The following KCNK12 variants were observed in gnomAD, a reference collection of about 807,000 sequenced individuals.
KCNK12 encodes the protein potassium two pore domain channel subfamily K member 12, also known as potassium channel subfamily K member 12.
Under a neutral mutation model 25.3 loss-of-function variants are expected in KCNK12, and 6 were observed. The observed-to-expected ratio is 0.24, with a 90% CI of 0.13 to 0.47. The LOEUF is 0.47. KCNK12 is among the 20% of genes least tolerant of loss of function. The pLI, the probability that KCNK12 is intolerant of heterozygous loss-of-function variation, is 0.99. For synonymous variants in KCNK12, 331 were observed against 311.1 expected, an observed-to-expected ratio of 1.06 and a Z score of -0.67; for missense variants, 444 against 661.7, an observed-to-expected ratio of 0.67 and a Z score of 3.61.
chr2:47,555,360 C>T lies in KCNK12; in HGVS notation c.391+14581G>A, dbSNP rs977603066. Among the ~76,000 whole-genome samples, 4 of 152,196 alleles carry T rather than the reference C, an allele frequency of 2.6e-5. No homozygotes were observed. Among genetic ancestry groups the T allele is most frequent in the Non-Finnish European group, 4.4e-5 (3 of 68,034 alleles). ...TGCCTAAAGGCAGGACATAAATTTCCCTTTGCCAAGGTGTCCTCCTTACCC... is the reference window on the plus strand; with the variant it reads ...TGCCTAAAGGCAGGACATAAATTTCTCTTTGCCAAGGTGTCCTCCTTACCC... On this transcript the variant is annotated intron_variant, in intron 1 of 1. Transcript: ENST00000327876. The surrounding 1 kb of genome is among the most constrained non-coding windows in gnomAD (Gnocchi z 4.5).
rs1669131107 is a variant in KCNK12 at position 47,538,745 on chromosome 2, T to C, written c.392-16937A>G. Reference sequence around the variant, plus strand: ...TAGACTGCACCACTGCACTCTAGCCTGGGTGACAGAGAAAACAATGGACAA... The same window carrying C: ...TAGACTGCACCACTGCACTCTAGCCCGGGTGACAGAGAAAACAATGGACAA... On this transcript the variant is annotated intron_variant, in intron 1 of 1. Coordinates refer to ENST00000327876, the MANE Select transcript of KCNK12 (RefSeq NM_022055.2). The surrounding 1 kb of genome is among the most constrained non-coding windows in gnomAD (Gnocchi z 4.5). Among the ~76,000 whole-genome samples, 2 of 152,298 alleles carry C rather than the reference T, an allele frequency of 1.3e-5. No individual in the cohort carries two copies. Among genetic ancestry groups the C allele is most frequent in the African/African-American group, 4.8e-5 (2 of 41,560 alleles).
At chr2:47,537,578 C>T (rs1573639931) in intron 1 of KCNK12, among the ~76,000 whole-genome samples, 1 of 152,190 alleles carries the variant, frequency 6.6e-6, no homozygotes, top group East Asian at 1.9e-4. Context: ...ATCCGCCCGC[C>T]TCGGTCTCCC....
rs886958866 is a variant in KCNK12 at position 47,516,343 on chromosome 2, G to A, written c.*4564C>T. Among the ~76,000 whole-genome samples the A allele has an allele frequency of 6.6e-6, 1 of 152,188 alleles. No homozygotes were observed. The highest frequency in any genetic ancestry group is 1.5e-5 in the Non-Finnish European group (1 of 68,044). On this transcript the variant is annotated 3_prime_UTR_variant, in exon 2 of 2. Transcript: ENST00000327876. Reference sequence around the variant, plus strand: ...ATTTGGAGAGCCTCGGGCACAGCCAGGTTGGATCCATCTCCCAGTCCCCCA... The same window carrying A: ...ATTTGGAGAGCCTCGGGCACAGCCAAGTTGGATCCATCTCCCAGTCCCCCA...
rs1348135512 is a variant in KCNK12, at chr2:47,529,641, C to T, written c.392-7833G>A. ...TAGGCCAATCAGGATAATCCAGTTC[C>T]TTACCATGACTGGCTCAAGAATGGG... On this transcript the variant is annotated intron_variant, in intron 1 of 1. Transcript: ENST00000327876. This position sits in a 1 kb window ranked among gnomAD's most constrained non-coding sequence, Gnocchi z 4.3. Among the ~76,000 whole-genome samples the T allele has an allele frequency of 5.3e-5, 8 of 152,194 alleles. No individual in the cohort carries two copies. The highest frequency in any genetic ancestry group is 2.1e-4 in the South Asian group (1 of 4,826).
rs1411004250 is a variant in KCNK12, at chr2:47,548,352, G to A, written c.391+21589C>T. Among the ~76,000 whole-genome samples, 2 of 152,012 alleles carry A rather than the reference G, an allele frequency of 1.3e-5. No homozygotes were observed. Among genetic ancestry groups the A allele is most frequent in the Non-Finnish European group, 2.9e-5 (2 of 68,016 alleles). The stretch of plus-strand genomic sequence containing the variant: ...CCTATCCACTATCTAACTGGCACCC[G>A]GCTTGGAAGTGGAAAAGTCATTTCA... On this transcript the variant is annotated intron_variant, in intron 1 of 1. Coordinates refer to ENST00000327876, the MANE Select transcript of KCNK12 (RefSeq NM_022055.2). This position sits in a 1 kb window ranked among gnomAD's most constrained non-coding sequence, Gnocchi z 4.4.
chr2:47,519,883 G>T lies in KCNK12; in HGVS notation c.*1024C>A, dbSNP rs1243514745. 1 of 152,300 alleles carries T rather than the reference G, an allele frequency of 6.6e-6. No homozygotes were observed. Among genetic ancestry groups the T allele is most frequent in the Non-Finnish European group, 1.5e-5 (1 of 68,078 alleles). The allele number at this position is 152,300 out of a possible 1,614,324, so 9.4% of individuals were successfully genotyped here. A position where few individuals can be genotyped will look rare whatever the true frequency, so the allele number is the denominator to read the frequency against. On this transcript the variant is annotated 3_prime_UTR_variant, in exon 2 of 2. Transcript: ENST00000327876. The stretch of plus-strand genomic sequence containing the variant: ...CTGGTTCCCAAGGACGCAGCTGGCA[G>T]AGGTGCCTCCTTCAGAGGAGGAGGA...
chr2:47,558,460 G>C (rs1669594438), intron 1 of KCNK12, among the ~76,000 whole-genome samples: 1 of 152,220 alleles, frequency 6.6e-6, no homozygotes, highest in Non-Finnish European at 1.5e-5. Flanking sequence ...TTTTAGAAGA[G>C]AACCCAGCAA....
chr2:47,536,296 A>G (rs1669065341), intron 1 of KCNK12, among the ~76,000 whole-genome samples: 1 of 152,206 alleles, frequency 6.6e-6, no homozygotes, highest in Non-Finnish European at 1.5e-5. Flanking sequence ...GTCTTGTGAC[A>G]GCCCCTGTCC....
Position 47,523,135 on chromosome 2 carries a change from C to T in KCNK12, c.392-1327G>A, listed in dbSNP as rs540405873. On this transcript the variant is annotated intron_variant, in intron 1 of 1. Coordinates refer to ENST00000327876, the MANE Select transcript of KCNK12 (RefSeq NM_022055.2). Reference sequence around the variant, plus strand: ...GTTTTTAAATGTAACCTGTAGTACACCTGGGCAGACAGCCTTGTTAGGGAA... The same window carrying T: ...GTTTTTAAATGTAACCTGTAGTACATCTGGGCAGACAGCCTTGTTAGGGAA... Among the ~76,000 whole-genome samples, 24 of 152,318 alleles carry T rather than the reference C, an allele frequency of 1.6e-4. No homozygotes were observed. The South Asian group carries it at 4.8e-3, about 30-fold the overall frequency.
rs117253634 is a variant in KCNK12, at chr2:47,546,849, G to A, written c.391+23092C>T. Among the ~76,000 whole-genome samples the A allele has an allele frequency of 2.4e-4, 37 of 152,220 alleles. No individual in the cohort carries two copies. In the East Asian group the frequency reaches 6.9e-3, roughly 29 times the overall value. ...AAGTTTCAACATGCTTGTGCAAGAT[G>A]GACAGCTTGAGAGAGCTGTAACTGA... On this transcript the variant is annotated intron_variant, in intron 1 of 1. Coordinates refer to ENST00000327876, the MANE Select transcript of KCNK12 (RefSeq NM_022055.2).
At position 47,533,910 on chromosome 2, in the gene KCNK12, G is replaced by A. The variant is rs568566704; in HGVS notation, c.392-12102C>T. On this transcript the variant is annotated intron_variant, in intron 1 of 1. Transcript: ENST00000327876. This position sits in a 1 kb window ranked among gnomAD's most constrained non-coding sequence, Gnocchi z 4.7. ...AGTGCACCCCTCTTGCATTGGGTGCGCAGTGATCCGGACAGAGAGGCTCCA... is the reference window on the plus strand; with the variant it reads ...AGTGCACCCCTCTTGCATTGGGTGCACAGTGATCCGGACAGAGAGGCTCCA... Among the ~76,000 whole-genome samples the A allele has an allele frequency of 2.6e-5, 4 of 152,000 alleles. No homozygotes were observed. Among genetic ancestry groups the A allele is most frequent in the Non-Finnish European group, 5.9e-5 (4 of 68,000 alleles).
rs919388734 is a variant in KCNK12, at chr2:47,520,379, A to C, written c.*528T>G. Reference sequence around the variant, plus strand: ...TAATACTACACCATTCTCTGTGTGTAGTGGCTGTTCTATATATATACATCG... The same window carrying C: ...TAATACTACACCATTCTCTGTGTGTCGTGGCTGTTCTATATATATACATCG... On this transcript the variant is annotated 3_prime_UTR_variant, in exon 2 of 2. Transcript: ENST00000327876. This position sits in a 1 kb window ranked among gnomAD's most constrained non-coding sequence, Gnocchi z 5.0. 2.0e-5 allele frequency: 3 copies of C among 152,348 alleles called. No homozygotes were observed. The highest frequency in any genetic ancestry group is 4.4e-5 in the Non-Finnish European group (3 of 68,138). 9.4% of individuals were successfully genotyped at this position (152,348 alleles called of 1,614,324 possible). A position where few individuals can be genotyped will look rare whatever the true frequency, so the allele number is the denominator to read the frequency against.
rs79997046 is a variant in KCNK12 at position 47,533,858 on chromosome 2, G to T, written c.392-12050C>A. On this transcript the variant is annotated intron_variant, in intron 1 of 1. Transcript: ENST00000327876. The surrounding 1 kb of genome is among the most constrained non-coding windows in gnomAD (Gnocchi z 4.7). ...AGAAGCTCTTGGTTTTCTTCCCTCC[G>T]AAGCCAGGCGTGGGGTGGGAGCATC... Among the ~76,000 whole-genome samples, 1 of 152,254 alleles carries T rather than the reference G, an allele frequency of 6.6e-6. No individual in the cohort carries two copies. Among genetic ancestry groups the T allele is most frequent in the South Asian group, 2.1e-4 (1 of 4,820 alleles).
rs1359310025 is a variant in KCNK12, at chr2:47,560,236, C to T, written c.391+9705G>A. Among the ~76,000 whole-genome samples, 1 of 152,216 alleles carries T rather than the reference C, an allele frequency of 6.6e-6. No homozygotes were observed. Among genetic ancestry groups the T allele is most frequent in the African/African-American group, 2.4e-5 (1 of 41,456 alleles). ...CTCAGGTCTGGGCGGGAGCTCGGTCCTCTTCAACAAGTTCCCAGAGTTCTG... is the reference window on the plus strand; with the variant it reads ...CTCAGGTCTGGGCGGGAGCTCGGTCTTCTTCAACAAGTTCCCAGAGTTCTG... On this transcript the variant is annotated intron_variant, in intron 1 of 1. Coordinates refer to ENST00000327876, the MANE Select transcript of KCNK12 (RefSeq NM_022055.2). This position sits in a 1 kb window ranked among gnomAD's most constrained non-coding sequence, Gnocchi z 4.7.
chr2:47,530,427 C>CA (rs1024121008), intron 1 of KCNK12, among the ~76,000 whole-genome samples: 1 of 152,090 alleles, frequency 6.6e-6, no homozygotes, highest in Non-Finnish European at 1.5e-5. Flanking sequence ...CCGGGGAGGA[C>CA]AACCGACCAC....
In KCNK12 at chr2:47,517,075, T is replaced by G. The variant is rs1355563959; in HGVS notation, c.*3832A>C. 1 of 152,252 alleles carries G rather than the reference T, an allele frequency of 6.6e-6. No homozygotes were observed. The highest frequency in any genetic ancestry group is 1.5e-5 in the Non-Finnish European group (1 of 68,046). 9.4% of individuals were successfully genotyped at this position (152,252 alleles called of 1,614,324 possible). The stretch of plus-strand genomic sequence containing the variant: ...TAAAGCCCCAGCGCCTCTTCTGGAC[T>G]CAGATGCCCTAGGCTGGCTGTCTGG... On this transcript the variant is annotated 3_prime_UTR_variant, in exon 2 of 2. Coordinates refer to ENST00000327876, the MANE Select transcript of KCNK12 (RefSeq NM_022055.2). The surrounding 1 kb of genome is among the most constrained non-coding windows in gnomAD (Gnocchi z 4.1).
chr2:47,565,823 C>G lies in KCNK12; in HGVS notation c.391+4118G>C, dbSNP rs143276527. On this transcript the variant is annotated intron_variant, in intron 1 of 1. Transcript: ENST00000327876. This position sits in a 1 kb window ranked among gnomAD's most constrained non-coding sequence, Gnocchi z 5.0. ...TGTTTCGTGCTAAAAGAACACAAGACAGTTATCTTTATCTTTAGGAGTTCA... is the reference window on the plus strand; with the variant it reads ...TGTTTCGTGCTAAAAGAACACAAGAGAGTTATCTTTATCTTTAGGAGTTCA... The G allele has an allele frequency of 6.6e-6, 1 of 152,198 alleles. No individual in the cohort carries two copies. The allele number at this position is 152,198 out of a possible 1,614,324, so 9.4% of individuals were successfully genotyped here.
chr2:47,522,203 A>T (rs961246723), intron 1 of KCNK12, among the ~76,000 whole-genome samples: 7 of 152,184 alleles, frequency 4.6e-5, no homozygotes, highest in African/African-American at 1.7e-4. Context: ...ATTTTTTTTT[A>T]AAAACTGTCA....
chr2:47,526,409 A>AAG (rs1475291066), intron 1 of KCNK12, among the ~76,000 whole-genome samples: 1 of 149,538 alleles, frequency 6.7e-6, no homozygotes, highest in Non-Finnish European at 1.5e-5. Flanking sequence ...CCCTCAGAAA[A>AAG]AAAAAAAAAA....
Sources: gnomAD v4.1 joint callset for allele counts (sites outside exome capture counted in the v4.1 genomes callset) on GRCh38, gnomAD v4.1.1 for gene constraint, Gnocchi (gnomAD v3.1) non-coding constraint, MANE v1.5 for transcripts, NCBI Gene and HGNC (gene_info 2026-07-23, HGNC 2026-07-21) for gene names.